INTS6: variants seen among roughly 807,000 people sequenced by gnomAD.
The protein encoded by INTS6 is DEAD box protein.
Under a neutral mutation model 104.9 loss-of-function variants are expected in INTS6, and 16 were observed. The ratio of observed to expected loss-of-function variants is 0.15; its 90% CI spans 0.10 to 0.23. INTS6 has a LOEUF of 0.23. INTS6 is among the 10% of genes least tolerant of loss of function. INTS6 has a pLI of 1.00. For synonymous variants in INTS6, 324 were observed against 358.7 expected, an observed-to-expected ratio of 0.90 and a Z score of 1.09; for missense variants, 584 against 1,062.8, an observed-to-expected ratio of 0.55 and a Z score of 6.26.
At chr13:51,337,203 T>C in the INTS6 span, among the ~76,000 whole-genome samples, 3 of 152,196 alleles carry the variant, frequency 2.0e-5, no homozygotes, top group African/African-American at 7.2e-5. Context: ...ACTCCTCCTG[T>C]ACAACCCCAG....
rs994488102 is a variant in INTS6, at chr13:51,452,746, G to GCCTCCT, written c.-227_-222dup. The GCCTCCT allele has an allele frequency of 2.4e-6, 3 of 1,229,572 alleles. No homozygotes were observed. Among genetic ancestry groups the GCCTCCT allele is most frequent in the South Asian group, 1.9e-5 (1 of 53,978 alleles). The allele number at this position is 1,229,572 out of a possible 1,614,324, so 76.2% of individuals were successfully genotyped here. Reference sequence around the variant, plus strand: ...TGCTCCCCGTCGTACCCCCGCCTCCGCCTCCTCCTGCCTGCCTGCCCGCTG... The same window carrying GCCTCCT: ...TGCTCCCCGTCGTACCCCCGCCTCCGCCTCCTCCTCCTCCTGCCTGCCTGCCCGCTG... On this transcript the variant is annotated 5_prime_UTR_variant, in exon 1 of 18. Transcript: ENST00000311234. This position sits in a 1 kb window ranked among gnomAD's most constrained non-coding sequence, Gnocchi z 4.2.
chr13:51,358,549 T>C (rs574138701), downstream of INTS6, among the ~76,000 whole-genome samples: 303 of 152,274 alleles, frequency 2.0e-3, 1 homozygote, highest in African/African-American at 6.7e-3. Context: ...CTTACAAGTT[T>C]AACAAGGTTA....
At chr13:51,340,911 C>T in the INTS6 span, 45 of 633,346 alleles carry the variant, frequency 7.1e-5, no homozygotes, top group African/African-American at 3.5e-4. Context: ...GCAGCCCAGA[C>T]GGCTGGGCCT....
At position 51,395,329 on chromosome 13, in the gene INTS6, G is replaced by C. The variant is rs1303560690; in HGVS notation, c.584C>G (p.Ala195Gly). The C allele has an allele frequency of 6.2e-7, 1 of 1,610,478 alleles. No homozygotes were observed. Among genetic ancestry groups the C allele is most frequent in the Admixed American group, 1.7e-5 (1 of 59,172 alleles). The change falls in exon 5 of 18, where the codon GCA becomes GGA. Residue 195 changes from alanine (A) to glycine (G), a missense_variant. By Grantham distance (60) the Ala-to-Gly change is moderately conservative (BLOSUM62 0). Coordinates refer to ENST00000311234, the MANE Select transcript of INTS6 (RefSeq NM_012141.3). ...TGTCACTTCACACATTGGTGTGATTGCAGAGTCATCTAAAGGCACACCTGT... is the reference window on the plus strand; with the variant it reads ...TGTCACTTCACACATTGGTGTGATTCCAGAGTCATCTAAAGGCACACCTGT... ...QLTGVPLDDS[A>G]ITPMCEVTGG... is the part of the protein sequence containing the mutation.
chr13:51,365,890 T>C (rs369858405), intron 17 of INTS6, 45 bp from the exon 18 acceptor site: 105 of 1,138,428 alleles, frequency 9.2e-5, no homozygotes, highest in Middle Eastern at 5.9e-4. Context: ...TTTTAATGAA[T>C]AGTATATATC....
At chr13:51,344,039 C>G in the INTS6 span, among the ~76,000 whole-genome samples, 1 of 152,212 alleles carries the variant, frequency 6.6e-6, no homozygotes, top group African/African-American at 2.4e-5. Context: ...TCATATCTAG[C>G]ATGGTTTCTT....
At chr13:51,380,519 T>C (rs1956025562) in intron 10 of INTS6, among the ~76,000 whole-genome samples, 1 of 152,140 alleles carries the variant, frequency 6.6e-6, no homozygotes, top group African/African-American at 2.4e-5. Context: ...GTTCGAAGTG[T>C]TTGTTCTTTT....
intron 4 of INTS6, among the ~76,000 whole-genome samples, chr13:51,398,878 T>TCCAA (rs1415156769): frequency 6.6e-6 from 1 of 152,184 alleles, no homozygotes; most frequent in African/African-American, 2.4e-5. Flanking sequence ...ACTCTTAACA[T>TCCAA]CCAACATGGA....
At chr13:51,341,268 C>T in the INTS6 span, 8 of 1,613,968 alleles carry the variant, frequency 5.0e-6, no homozygotes, top group Non-Finnish European at 6.8e-6. Flanking sequence ...GTGTGTCCCT[C>T]CCCCTGGAGA....
intron 7 of INTS6, among the ~76,000 whole-genome samples, chr13:51,385,798 A>C (rs1396121913): frequency 6.6e-6 from 1 of 152,136 alleles, no homozygotes. Flanking sequence ...CTCTTCCATC[A>C]TCATAATTCA....
At chr13:51,401,868 T>C (rs1052805217) in intron 4 of INTS6, among the ~76,000 whole-genome samples, 10 of 152,110 alleles carry the variant, frequency 6.6e-5, no homozygotes, top group African/African-American at 2.4e-4. Flanking sequence ...ATCTGCATTT[T>C]TAAAAAATCA....
At chr13:51,395,171 C>T (rs1458654905) in intron 5 of INTS6, 129 bp downstream of exon 5, 12 of 833,722 alleles carry the variant, frequency 1.4e-5, no homozygotes. Flanking sequence ...CTATTAAAAG[C>T]ATATATGCCT....
At chr13:51,341,393 ACT>A in the INTS6 span, 1 of 1,515,440 alleles carries the variant, frequency 6.6e-7, no homozygotes, top group Non-Finnish European at 8.9e-7. Context: ...TCCTGTTCAC[ACT>A]CACACTCTCT....
chr13:51,423,097 C>CATAAATATAGAACTAAAT, intron 4 of INTS6: 1 of 1,268,828 alleles, frequency 7.9e-7, no homozygotes, highest in Non-Finnish European at 1.0e-6. Flanking sequence ...GTACCTAGAA[C>CATAAATATAGAACTAAAT]ATAAATATAG....
downstream of INTS6, among the ~76,000 whole-genome samples, chr13:51,357,283 C>T (rs1955494731): frequency 6.6e-6 from 1 of 152,192 alleles, no homozygotes; most frequent in Non-Finnish European, 1.5e-5. Flanking sequence ...GCCACCAAAT[C>T]TCTCCAACAA....
chr13:51,357,156 T>A (rs992693763), downstream of INTS6, among the ~76,000 whole-genome samples: 1 of 152,222 alleles, frequency 6.6e-6, no homozygotes, highest in South Asian at 2.1e-4. Context: ...TCCGGCCCTT[T>A]ATAGAAAAAG....
intron 4 of INTS6, among the ~76,000 whole-genome samples, chr13:51,420,713 T>C (rs1243538774): frequency 6.7e-6 from 1 of 149,250 alleles, no homozygotes; most frequent in Non-Finnish European, 1.5e-5. Context: ...ATAACTGGTA[T>C]CTAATAAATA....
At chr13:51,400,985 T>C (rs1045911313) in intron 4 of INTS6, among the ~76,000 whole-genome samples, 3 of 152,228 alleles carry the variant, frequency 2.0e-5, no homozygotes, top group African/African-American at 7.2e-5. Flanking sequence ...AACATATTAA[T>C]ATGAAGATAA....
At chr13:51,335,399 C>T in the INTS6 span, among the ~76,000 whole-genome samples, 1 of 152,068 alleles carries the variant, frequency 6.6e-6, no homozygotes, top group African/African-American at 2.4e-5. Context: ...ATGAGACGCT[C>T]AAAATCATTG....
Sources: gnomAD v4.1 joint callset for allele counts (sites outside exome capture counted in the v4.1 genomes callset) on GRCh38, gnomAD v4.1.1 for gene constraint, Gnocchi (gnomAD v3.1) non-coding constraint, MANE v1.5 for transcripts, NCBI Gene and HGNC (gene_info 2026-07-23, HGNC 2026-07-21) for gene names.